The following RASSF9 variants were observed in gnomAD, a reference collection of about 807,000 sequenced individuals.
RASSF9 encodes ras association domain-containing protein 9.
RASSF9 carries 18 observed loss-of-function variants against 21.4 expected under a neutral mutation model. That is an observed-to-expected ratio of 0.84 (90% confidence interval 0.58 to 1.25). The LOEUF is 1.25. Ranked by LOEUF, RASSF9 falls within the 50% of genes most tolerant of loss-of-function variation. RASSF9 has a pLI of 0.00. For missense variants in RASSF9, 480 were observed against 503.2 expected (o/e 0.95, Z 0.44); for synonymous variants, 183 against 179.1 (o/e 1.02, Z -0.18).
At chr12:85,829,032 T>TC (rs1880395487) in intron 1 of RASSF9, among the ~76,000 whole-genome samples, 1 of 152,104 alleles carries the variant, frequency 6.6e-6, no homozygotes, top group Non-Finnish European at 1.5e-5. Flanking sequence ...AAACAAACGC[T>TC]CTTCTACTGA....
chr12:85,823,612 T>C (rs1403253674), intron 1 of RASSF9, among the ~76,000 whole-genome samples: 1 of 152,228 alleles, frequency 6.6e-6, no homozygotes, highest in Non-Finnish European at 1.5e-5. Flanking sequence ...CAATGGAATG[T>C]GGCAAAAACC....
chr12:85,804,391 G>A lies in RASSF9; in HGVS notation c.*311C>T, dbSNP rs1440620775. The A allele has an allele frequency of 4.0e-6, 1 of 248,176 alleles. No individual in the cohort carries two copies. Among genetic ancestry groups the A allele is most frequent in the East Asian group, 8.1e-5 (1 of 12,368 alleles). 15.4% of individuals were successfully genotyped at this position (248,176 alleles called of 1,614,324 possible). Reference sequence around the variant, plus strand: ...TCTAATATTGAGGATTGCTTTTAAAGTTTATGTAAATCGTTTTCCACAGAC... The same window carrying A: ...TCTAATATTGAGGATTGCTTTTAAAATTTATGTAAATCGTTTTCCACAGAC... On this transcript the variant is annotated 3_prime_UTR_variant, in exon 2 of 2. Transcript: ENST00000361228.
chr12:85,821,502 A>G (rs1880210202), intron 1 of RASSF9, among the ~76,000 whole-genome samples: 1 of 152,174 alleles, frequency 6.6e-6, no homozygotes, highest in African/African-American at 2.4e-5. Context: ...TTTCCTCCAA[A>G]CACAAACCAT....
At chr12:85,824,726 C>T (rs1366595455) in intron 1 of RASSF9, among the ~76,000 whole-genome samples, 1 of 152,170 alleles carries the variant, frequency 6.6e-6, no homozygotes, top group East Asian at 1.9e-4. Flanking sequence ...CCATTCCTTA[C>T]TTCTTGCTGA....
intron 1 of RASSF9, among the ~76,000 whole-genome samples, chr12:85,824,237 C>T (rs1880279548): frequency 6.6e-6 from 1 of 152,162 alleles, no homozygotes; most frequent in South Asian, 2.1e-4. Flanking sequence ...TCCCATCCTA[C>T]TGAATGCAAT....
intron 1 of RASSF9, among the ~76,000 whole-genome samples, chr12:85,820,973 G>A (rs1439297590): frequency 6.6e-6 from 1 of 151,882 alleles, no homozygotes; most frequent in Non-Finnish European, 1.5e-5. Flanking sequence ...GTGAAACCCT[G>A]TCTCTACTAA....
chr12:85,802,276 G>C lies in RASSF9; in HGVS notation c.*2426C>G, dbSNP rs558745354. 1 of 152,058 alleles carries C rather than the reference G, an allele frequency of 6.6e-6. No individual in the cohort carries two copies. Among genetic ancestry groups the C allele is most frequent in the South Asian group, 2.1e-4 (1 of 4,820 alleles). The allele number at this position is 152,058 out of a possible 1,614,324, so 9.4% of individuals were successfully genotyped here. A position where few individuals can be genotyped will look rare whatever the true frequency, so the allele number is the denominator to read the frequency against. ...TTCTCACTTAATTTAATAACAAATAGTTCAGTATCCAGACATGAGGGCATT... is the reference window on the plus strand; with the variant it reads ...TTCTCACTTAATTTAATAACAAATACTTCAGTATCCAGACATGAGGGCATT... On this transcript the variant is annotated 3_prime_UTR_variant, in exon 2 of 2. Coordinates refer to ENST00000361228, the MANE Select transcript of RASSF9 (RefSeq NM_005447.4).
At chr12:85,819,494 A>T (rs1304851201) in intron 1 of RASSF9, among the ~76,000 whole-genome samples, 1 of 152,210 alleles carries the variant, frequency 6.6e-6, no homozygotes, top group East Asian at 1.9e-4. Flanking sequence ...TATTTAATGA[A>T]CACTTACTAT....
rs186099143 is a variant in RASSF9 at position 85,816,429 on chromosome 12, C to T, written c.48-10467G>A. The stretch of plus-strand genomic sequence containing the variant: ...TAGAGGGTAAATAAATGTTTTCAGC[C>T]GAAATTTTCTTTCCACAGAGAAATG... On this transcript the variant is annotated intron_variant, in intron 1 of 1. Coordinates refer to ENST00000361228, the MANE Select transcript of RASSF9 (RefSeq NM_005447.4). Among the ~76,000 whole-genome samples, 903 of 151,910 alleles carry T rather than the reference C, an allele frequency of 5.9e-3. 4 individuals are homozygous for T. Among genetic ancestry groups the T allele is most frequent in the African/African-American group, 0.021 (857 of 41,472 alleles).
chr12:85,821,364 A>G (rs1880206754), intron 1 of RASSF9, among the ~76,000 whole-genome samples: 1 of 152,174 alleles, frequency 6.6e-6, no homozygotes, highest in African/African-American at 2.4e-5. Flanking sequence ...TTTGGATCAT[A>G]GAGCTGCAAT....
At chr12:85,810,533 A>G (rs1156777083) in intron 1 of RASSF9, among the ~76,000 whole-genome samples, 1 of 151,906 alleles carries the variant, frequency 6.6e-6, no homozygotes, top group Non-Finnish European at 1.5e-5. Context: ...TCAAAATTAA[A>G]CCAGTTTAGA....
At chr12:85,812,065 C>A (rs967564880) in intron 1 of RASSF9, among the ~76,000 whole-genome samples, 5 of 151,688 alleles carry the variant, frequency 3.3e-5, no homozygotes, top group African/African-American at 1.2e-4. Context: ...CATATCTAAA[C>A]TATGACTCCC....
intron 1 of RASSF9, among the ~76,000 whole-genome samples, chr12:85,815,482 G>A (rs909106127): frequency 1.3e-5 from 2 of 151,956 alleles, no homozygotes; most frequent in Non-Finnish European, 2.9e-5. Context: ...GAGTCTAATG[G>A]GATTTCTGAA....
chr12:85,835,646 C>T (rs910030392), intron 1 of RASSF9, among the ~76,000 whole-genome samples: 1 of 152,136 alleles, frequency 6.6e-6, no homozygotes, highest in African/African-American at 2.4e-5. Context: ...TCAGGAATGC[C>T]TCACTCTCAG....
intron 1 of RASSF9, among the ~76,000 whole-genome samples, chr12:85,810,686 T>C (rs1256007118): frequency 1.3e-5 from 2 of 151,848 alleles, no homozygotes; most frequent in Admixed American, 1.3e-4. Flanking sequence ...TCTTTGAAAA[T>C]TTACTATTTA....
intron 1 of RASSF9, among the ~76,000 whole-genome samples, chr12:85,829,669 T>G (rs531642608): frequency 6.6e-6 from 1 of 152,218 alleles, no homozygotes; most frequent in South Asian, 2.1e-4. Context: ...TGTGGGAGTT[T>G]AATAAATGCT....
chr12:85,835,234 G>T (rs1328386956), intron 1 of RASSF9, among the ~76,000 whole-genome samples: 1 of 151,902 alleles, frequency 6.6e-6, no homozygotes, highest in Non-Finnish European at 1.5e-5. Flanking sequence ...GTACAAACAG[G>T]CATGATTGAG....
chr12:85,816,456 G>T (rs953470134), intron 1 of RASSF9, among the ~76,000 whole-genome samples: 7 of 151,814 alleles, frequency 4.6e-5, no homozygotes, highest in Non-Finnish European at 7.4e-5. Flanking sequence ...AGAGAAATGG[G>T]GATTATCTTT....
intron 1 of RASSF9, among the ~76,000 whole-genome samples, chr12:85,820,586 T>A (rs1880184707): frequency 6.6e-6 from 1 of 151,138 alleles, no homozygotes; most frequent in African/African-American, 2.4e-5. Context: ...ATGAAAAATG[T>A]CATTTTTTCC....
Sources: allele counts gnomAD v4.1 joint callset (sites outside exome capture counted in the v4.1 genomes callset), GRCh38; gene constraint gnomAD v4.1.1; transcripts MANE v1.5; gene names NCBI Gene and HGNC (gene_info 2026-07-23, HGNC 2026-07-21).